SLIT3: variants seen among roughly 807,000 people sequenced by gnomAD.
SLIT3 encodes slit guidance ligand 3, also known as slit homolog 3 protein.
SLIT3 carries 68 observed loss-of-function variants against 184.0 expected under a neutral mutation model. The ratio of observed to expected loss-of-function variants is 0.37; its 90% CI spans 0.30 to 0.45. The LOEUF is 0.45. Ranked by LOEUF, SLIT3 falls within the 20% of genes least tolerant of loss-of-function variation. The pLI is 1.00. For synonymous variants in SLIT3, 831 were observed against 828.6 expected (o/e 1.00, Z -0.05); for missense variants, 1,707 against 2,026.0 (o/e 0.84, Z 3.02).
At chr5:169,115,163 C>T (rs761774028) in intron 4 of SLIT3, among the ~76,000 whole-genome samples, 3 of 152,166 alleles carry the variant, frequency 2.0e-5, no homozygotes, top group Non-Finnish European at 4.4e-5. Context: ...AATCGTTCTC[C>T]AAAATCCCAA....
chr5:169,220,363 T>C (rs1170185187), intron 3 of SLIT3, among the ~76,000 whole-genome samples: 1 of 150,950 alleles, frequency 6.6e-6, no homozygotes, highest in African/African-American at 2.4e-5. Context: ...AAAAAATCAA[T>C]GTAAGGAAAA....
chr5:168,988,365 T>C (rs1318989557), intron 4 of SLIT3, among the ~76,000 whole-genome samples: 6 of 152,182 alleles, frequency 3.9e-5, no homozygotes, highest in African/African-American at 1.4e-4. Flanking sequence ...TCCATAATTT[T>C]ATATTTGGAA....
rs111656923 is a variant in SLIT3, at chr5:169,035,542, G to A, written c.414-152206C>T. Among the ~76,000 whole-genome samples, 980 of 151,752 alleles carry A rather than the reference G, an allele frequency of 6.5e-3. 15 individuals are homozygous for A. The highest frequency in any genetic ancestry group is 0.022 in the African/African-American group (919 of 41,346). On this transcript the variant is annotated intron_variant, in intron 4 of 35. Coordinates refer to ENST00000519560, the MANE Select transcript of SLIT3 (RefSeq NM_003062.4). Reference sequence around the variant, plus strand: ...CGGGCACCTGTAGTCCCAGCTGCTCGGGAGGCTGAGGCAGGAGAATGGCAT... The same window carrying A: ...CGGGCACCTGTAGTCCCAGCTGCTCAGGAGGCTGAGGCAGGAGAATGGCAT...
chr5:168,962,566 A>C (rs1329164248), intron 4 of SLIT3, among the ~76,000 whole-genome samples: 1 of 146,554 alleles, frequency 6.8e-6, no homozygotes. Context: ...AAAGAAAAGA[A>C]AAAAAAAAAG....
At chr5:168,723,364 C>G (rs77175864) in intron 21 of SLIT3, among the ~76,000 whole-genome samples, 4,561 of 143,092 alleles carry the variant, frequency 0.032, 192 homozygotes, top group African/African-American at 0.094. Context: ...ACCCACTTAT[C>G]TACTCACTCA....
At chr5:168,869,748 TGCTG>T (rs1759440863) in intron 5 of SLIT3, among the ~76,000 whole-genome samples, 1 of 152,218 alleles carries the variant, frequency 6.6e-6, no homozygotes, top group Non-Finnish European at 1.5e-5. Flanking sequence ...CTGGACCATG[TGCTG>T]TATGTACCAA....
At chr5:169,081,923 C>T (rs562067956) in intron 4 of SLIT3, among the ~76,000 whole-genome samples, 1 of 152,274 alleles carries the variant, frequency 6.6e-6, no homozygotes, top group South Asian at 2.1e-4. Context: ...AGTGATTTGC[C>T]CGGGCCCACA....
chr5:169,168,095 C>G (rs920959044), intron 4 of SLIT3, among the ~76,000 whole-genome samples: 11 of 152,164 alleles, frequency 7.2e-5, no homozygotes, highest in African/African-American at 2.7e-4. Context: ...AGCTCCTCCC[C>G]ATCTCTTCAA....
intron 4 of SLIT3, among the ~76,000 whole-genome samples, chr5:168,917,804 T>G (rs994894640): frequency 5.9e-5 from 9 of 152,238 alleles, no homozygotes; most frequent in African/African-American, 2.2e-4. Flanking sequence ...ATTGTGTGAT[T>G]CTTTTTTCCC....
intron 4 of SLIT3, among the ~76,000 whole-genome samples, chr5:168,936,292 T>C (rs1762155729): frequency 6.6e-6 from 1 of 152,176 alleles, no homozygotes; most frequent in African/African-American, 2.4e-5. Flanking sequence ...TGGAGTTCAG[T>C]GGTGCAATCT....
At chr5:169,049,929 G>A (rs1006215210) in intron 4 of SLIT3, among the ~76,000 whole-genome samples, 2 of 152,144 alleles carry the variant, frequency 1.3e-5, no homozygotes, top group African/African-American at 4.8e-5. Context: ...TACTAGGGAG[G>A]TGCTGGCCTT....
chr5:168,907,449 T>C (rs920325124), intron 4 of SLIT3, among the ~76,000 whole-genome samples: 1 of 152,216 alleles, frequency 6.6e-6, no homozygotes, highest in African/African-American at 2.4e-5. Context: ...TATAATCATG[T>C]ATCTGCAAAG....
chr5:169,238,853 C>T (rs1765295121), intron 3 of SLIT3, among the ~76,000 whole-genome samples: 1 of 152,066 alleles, frequency 6.6e-6, no homozygotes, highest in Non-Finnish European at 1.5e-5. Context: ...TTGTACTTAC[C>T]ATGAATTGGA....
chr5:168,888,570 A>G (rs1180859889), intron 4 of SLIT3, among the ~76,000 whole-genome samples: 1 of 152,258 alleles, frequency 6.6e-6, no homozygotes, highest in African/African-American at 2.4e-5. Context: ...CTAGGACCAC[A>G]GATCAAGAGG....
intron 8 of SLIT3, among the ~76,000 whole-genome samples, chr5:168,811,429 A>T (rs1396522689): frequency 6.6e-6 from 1 of 152,180 alleles, no homozygotes; most frequent in African/African-American, 2.4e-5. Context: ...ACAATGTTTT[A>T]ATGTTTAGCC....
At chr5:169,184,566 T>C (rs981626552) in intron 4 of SLIT3, among the ~76,000 whole-genome samples, 1 of 152,222 alleles carries the variant, frequency 6.6e-6, no homozygotes, top group Non-Finnish European at 1.5e-5. Context: ...TCTTAAAGTA[T>C]GCCCCTAAGT....
chr5:169,147,687 C>A (rs954103922), intron 4 of SLIT3, among the ~76,000 whole-genome samples: 4 of 152,178 alleles, frequency 2.6e-5, no homozygotes, highest in Non-Finnish European at 5.9e-5. Flanking sequence ...TGGCCCTCTG[C>A]CCCTTTCTCT....
chr5:169,117,904 C>T (rs1485430211), intron 4 of SLIT3, among the ~76,000 whole-genome samples: 3 of 152,186 alleles, frequency 2.0e-5, no homozygotes, highest in African/African-American at 4.8e-5. Context: ...TTCCTAAGCA[C>T]GAACTAGCAT....
intron 3 of SLIT3, among the ~76,000 whole-genome samples, chr5:169,226,284 G>A (rs1468876690): frequency 6.6e-6 from 1 of 152,098 alleles, no homozygotes; most frequent in Non-Finnish European, 1.5e-5. Context: ...TTCTGGGTCA[G>A]AGAGTCTCCT....
Sources: allele counts gnomAD v4.1 joint callset (sites outside exome capture counted in the v4.1 genomes callset), GRCh38; gene constraint gnomAD v4.1.1; transcripts MANE v1.5; gene names NCBI Gene and HGNC (gene_info 2026-07-23, HGNC 2026-07-21).